The following ZNF571 variants were observed in gnomAD, a reference collection of about 807,000 sequenced individuals.
ZNF571 encodes zinc finger protein 571.
A neutral mutation model predicts 7.7 loss-of-function variants in ZNF571; 4 were observed. The ratio of observed to expected loss-of-function variants is 0.52; its 90% CI spans 0.25 to 1.18. The LOEUF (loss-of-function observed/expected upper bound fraction) is 1.18, where lower values mean the gene tolerates loss of function less well. Ranked by LOEUF, ZNF571 falls within the 50% of genes most tolerant of loss-of-function variation. ZNF571 has a pLI of 0.14. For synonymous variants in ZNF571, 251 were observed against 232.4 expected, an observed-to-expected ratio of 1.08 and a Z score of -0.73; for missense variants, 704 against 726.9, an observed-to-expected ratio of 0.97 and a Z score of 0.36.
intron 2 of ZNF571, 178 bp downstream of exon 2, chr19:37,586,490 A>T (rs2043677178): frequency 3.0e-6 from 2 of 661,728 alleles, no homozygotes; most frequent in Non-Finnish European, 5.3e-6. Context: ...CTGTTTGGAG[A>T]GGGGAAAAGC....
At chr19:37,590,278 G>A (rs1201090811) in intron 1 of ZNF571, among the ~76,000 whole-genome samples, 11 of 151,956 alleles carry the variant, frequency 7.2e-5, no homozygotes, top group African/African-American at 1.2e-4. Flanking sequence ...TTAGCTGGGC[G>A]TGGTGGTGGG....
Position 37,565,919 on chromosome 19 carries a change from T to A in ZNF571, c.509A>T (p.Lys170Met), listed in dbSNP as rs16973893. Residue 170 changes from lysine to methionine, a missense_variant, in exon 4 of 4, where the codon AAG becomes ATG. Transcript: ENST00000451802. Reference sequence around the variant, plus strand: ...TTTGCTAAAGGTATTCCTGTGTTTCTTAACTTCAGAGCATTTTTCTATATT... The same window carrying A: ...TTTGCTAAAGGTATTCCTGTGTTTCATAACTTCAGAGCATTTTTCTATATT... ...NHNIEKCSEV[K>M]KHRNTFSKKP... 882 of 1,613,924 alleles carry A rather than the reference T, an allele frequency of 5.5e-4. 1 individual carries two copies. In the African/African-American group the frequency reaches 0.01, roughly 19 times the overall value.
At chr19:37,571,161 CTGCCCA>C (rs2043036728) in intron 3 of ZNF571, among the ~76,000 whole-genome samples, 1 of 152,136 alleles carries the variant, frequency 6.6e-6, no homozygotes, top group Non-Finnish European at 1.5e-5. Context: ...GCCCTAATAA[CTGCCCA>C]TGACCACACA....
At chr19:37,583,220 C>T (rs1263533850) in intron 3 of ZNF571, among the ~76,000 whole-genome samples, 1 of 152,168 alleles carries the variant, frequency 6.6e-6, no homozygotes, top group Non-Finnish European at 1.5e-5. Flanking sequence ...CCTGGTCCTC[C>T]TAACCTATGA....
At chr19:37,583,589 T>A (rs2043553329) in intron 3 of ZNF571, 1 of 162,324 alleles carries the variant, frequency 6.2e-6, no homozygotes, top group South Asian at 1.6e-4. Flanking sequence ...TGACCAGCCT[T>A]TATTCACCTG....
intron 3 of ZNF571, among the ~76,000 whole-genome samples, chr19:37,566,730 TCTG>T (rs2147153357): frequency 6.6e-6 from 1 of 152,304 alleles, no homozygotes; most frequent in Non-Finnish European, 1.5e-5. Context: ...AGCTGGTTTC[TCTG>T]CTTTCATCCT....
At chr19:37,581,842 T>G (rs545872602) in intron 3 of ZNF571, among the ~76,000 whole-genome samples, 41 of 151,328 alleles carry the variant, frequency 2.7e-4, no homozygotes, top group African/African-American at 9.7e-4. Flanking sequence ...CACCCTGCAG[T>G]GGACAGGAGC....
At chr19:37,593,140 T>C (rs1484475668) in intron 1 of ZNF571, among the ~76,000 whole-genome samples, 1 of 152,156 alleles carries the variant, frequency 6.6e-6, no homozygotes, top group Non-Finnish European at 1.5e-5. Context: ...TTTTTTTATG[T>C]TGGTATAACA....
intron 1 of ZNF571, among the ~76,000 whole-genome samples, chr19:37,591,721 T>C (rs938047678): frequency 5.3e-5 from 8 of 152,064 alleles, no homozygotes; most frequent in Admixed American, 2.6e-4. Flanking sequence ...ATTTTGTATT[T>C]TTAGTAGAGA....
In ZNF571 at chr19:37,586,536, G is replaced by C; in HGVS notation, c.9+132C>G. 3 of 975,386 alleles carry C rather than the reference G, an allele frequency of 3.1e-6. No individual in the cohort carries two copies. In the Admixed American group the frequency reaches 6.1e-5, roughly 20 times the overall value. 60.4% of individuals were successfully genotyped at this position (975,386 alleles called of 1,614,324 possible). ...ATTGGGCTCTTTGCTACTATTACTC[G>C]CTAGAATGGGAGACGTTTGGAAGCA... On this transcript the variant is annotated intron_variant, in intron 2 of 3. Coordinates refer to ENST00000451802, the MANE Select transcript of ZNF571 (RefSeq NM_016536.5).
chr19:37,568,244 A>C (rs996966277), intron 3 of ZNF571, among the ~76,000 whole-genome samples: 13 of 152,190 alleles, frequency 8.5e-5, no homozygotes, highest in African/African-American at 2.9e-4. Flanking sequence ...GTCTTTTAGA[A>C]ATAAGCCTCC....
At chr19:37,581,586 TC>T in intron 3 of ZNF571, among the ~76,000 whole-genome samples, 1 of 151,804 alleles carries the variant, frequency 6.6e-6, no homozygotes, top group Admixed American at 6.6e-5. Flanking sequence ...CAACTCAGTC[TC>T]CCAAGTAGCT....
At position 37,564,977 on chromosome 19, in the gene ZNF571, A is replaced by ACACAACTTACATATCATCAAAGAATT. The variant is rs2042796558; in HGVS notation, c.1450_1451insAATTCTTTGATGATATGTAAGTTGTG (p.Val484GlufsTer7). The ACACAACTTACATATCATCAAAGAATT allele has an allele frequency of 6.2e-7, 1 of 1,613,744 alleles. No homozygotes were observed. The highest frequency in any genetic ancestry group is 1.3e-5 in the African/African-American group (1 of 74,878). On this transcript the variant is annotated stop_gained and frameshift_variant, in exon 4 of 4. Coordinates refer to ENST00000451802, the MANE Select transcript of ZNF571 (RefSeq NM_016536.5). LOFTEE classifies it low-confidence loss of function (END_TRUNC). Reference sequence around the variant, plus strand: ...ATGATATGTAAGTTGTGTAGCACGTACAAAGGTCTTCCCACATTCCTTACA... The same window carrying ACACAACTTACATATCATCAAAGAATT: ...ATGATATGTAAGTTGTGTAGCACGTACACAACTTACATATCATCAAAGAATTCAAAGGTCTTCCCACATTCCTTACA...
intron 3 of ZNF571, among the ~76,000 whole-genome samples, chr19:37,578,585 T>G (rs1243215923): frequency 2.6e-5 from 4 of 152,208 alleles, no homozygotes; most frequent in Non-Finnish European, 5.9e-5. Context: ...GCAGTCACAG[T>G]GCTGAGGGGC....
Position 37,586,747 on chromosome 19 carries a change from T to C in ZNF571, c.-69-2A>G. ...GTGCAAAGTCCAGAGAAGCCAGTGCTGGACAAGGAAAAGAAGCCACAAGAT... is the reference window on the plus strand; with the variant it reads ...GTGCAAAGTCCAGAGAAGCCAGTGCCGGACAAGGAAAAGAAGCCACAAGAT... On this transcript the variant is annotated splice_acceptor_variant, in intron 1 of 3. Transcript: ENST00000451802. LOFTEE classifies it low-confidence loss of function (5UTR_SPLICE). 2 of 1,574,996 alleles carry C rather than the reference T, an allele frequency of 1.3e-6. No individual in the cohort carries two copies. The highest frequency in any genetic ancestry group is 2.2e-5 in the East Asian group (1 of 44,518).
chr19:37,590,542 T>C (rs1294564204), intron 1 of ZNF571, among the ~76,000 whole-genome samples: 3 of 152,172 alleles, frequency 2.0e-5, no homozygotes, highest in East Asian at 3.8e-4. Flanking sequence ...AAATGAACTA[T>C]AGTTATAGTC....
intron 3 of ZNF571, among the ~76,000 whole-genome samples, chr19:37,568,455 A>G (rs2042942868): frequency 6.6e-6 from 1 of 152,168 alleles, no homozygotes; most frequent in South Asian, 2.1e-4. Context: ...ACTGAAAGAA[A>G]TCAATGGGCT....
At chr19:37,571,994 T>C (rs1278877643) in intron 3 of ZNF571, among the ~76,000 whole-genome samples, 2 of 152,124 alleles carry the variant, frequency 1.3e-5, no homozygotes, top group Non-Finnish European at 2.9e-5. Context: ...TTTACCATTA[T>C]CCAAATAGAC....
At chr19:37,584,881 G>A (rs577283826) in intron 2 of ZNF571, among the ~76,000 whole-genome samples, 8 of 150,974 alleles carry the variant, frequency 5.3e-5, no homozygotes, top group East Asian at 2.0e-4. Context: ...GGAGAATGGC[G>A]TGAACCCTGG....
Sources: gnomAD v4.1 joint callset for allele counts (sites outside exome capture counted in the v4.1 genomes callset) on GRCh38, gnomAD v4.1.1 for gene constraint, MANE v1.5 for transcripts, NCBI Gene and HGNC (gene_info 2026-07-23, HGNC 2026-07-21) for gene names.